SCFD2: variants seen among roughly 807,000 people sequenced by gnomAD.
The protein encoded by SCFD2 is sec1 family domain-containing protein 2.
In SCFD2, 54 loss-of-function variants were observed where a neutral mutation model predicts 58.9. The observed-to-expected ratio is 0.92, with a 90% CI of 0.74 to 1.15. The LOEUF (loss-of-function observed/expected upper bound fraction) is 1.15. SCFD2 is among the 50% of genes most tolerant of loss of function. The pLI is 0.00. For missense variants in SCFD2, 805 were observed against 836.6 expected, an observed-to-expected ratio of 0.96 and a Z score of 0.47; for synonymous variants, 321 against 335.9, an observed-to-expected ratio of 0.96 and a Z score of 0.49.
chr4:53,291,356 T>C (rs1006707271), intron 3 of SCFD2, among the ~76,000 whole-genome samples: 2 of 152,010 alleles, frequency 1.3e-5, no homozygotes, highest in African/African-American at 2.4e-5. Context: ...AGCCAAATCA[T>C]AAATTAACTC....
intron 3 of SCFD2, among the ~76,000 whole-genome samples, chr4:53,308,116 T>C (rs914712928): frequency 6.6e-6 from 1 of 152,254 alleles, no homozygotes; most frequent in African/African-American, 2.4e-5. Flanking sequence ...CTCAGCTTTG[T>C]GGTCTCAGTT....
At chr4:53,180,582 A>T (rs1266261545) in intron 4 of SCFD2, among the ~76,000 whole-genome samples, 1 of 152,198 alleles carries the variant, frequency 6.6e-6, no homozygotes, top group Non-Finnish European at 1.5e-5. Context: ...TAACATCACA[A>T]TTAAAAGAAC....
rs565464868 is a variant in SCFD2, at chr4:53,022,391, C to T, written c.1562-101521G>A. 2.6e-5 allele frequency among the ~76,000 whole-genome samples: 4 copies of T among 152,318 alleles called. No individual in the cohort carries two copies. The East Asian group carries it at 7.7e-4, about 29-fold the overall frequency. ...AGGTCATTGAAGGCTCACATTAAAT[C>T]AGGCAGCAGTCTAAAAATAACGTGT... is the stretch of plus-strand genomic sequence containing the variant. On this transcript the variant is annotated intron_variant, in intron 5 of 8. Coordinates refer to ENST00000401642, the MANE Select transcript of SCFD2 (RefSeq NM_152540.4).
chr4:53,148,821 G>A (rs1317374313), intron 4 of SCFD2, among the ~76,000 whole-genome samples: 1 of 152,098 alleles, frequency 6.6e-6, no homozygotes, highest in Non-Finnish European at 1.5e-5. Flanking sequence ...AAGAGCCTGG[G>A]CAACATAGCG....
chr4:53,158,473 C>A (rs1477638463), intron 4 of SCFD2, among the ~76,000 whole-genome samples: 2 of 152,124 alleles, frequency 1.3e-5, no homozygotes, highest in Non-Finnish European at 1.5e-5. Flanking sequence ...TTGTGTGGTA[C>A]CATCACTCTT....
intron 5 of SCFD2, among the ~76,000 whole-genome samples, chr4:53,091,867 A>G (rs765171171): frequency 3.3e-5 from 5 of 152,142 alleles, no homozygotes; most frequent in Non-Finnish European, 4.4e-5. Flanking sequence ...CCAATAATTT[A>G]TAGCTTTTCT....
At chr4:53,299,120 G>A (rs1308338621) in intron 3 of SCFD2, among the ~76,000 whole-genome samples, 3 of 152,208 alleles carry the variant, frequency 2.0e-5, no homozygotes, top group Admixed American at 1.3e-4. Context: ...GTTGAGAGAG[G>A]AAGGCTTCAG....
At chr4:53,236,451 GAT>G (rs146595901) in intron 4 of SCFD2, among the ~76,000 whole-genome samples, 186 of 144,256 alleles carry the variant, frequency 1.3e-3, no homozygotes, top group Non-Finnish European at 1.6e-3. Context: ...CATATATAAG[GAT>G]ATATATATAT....
chr4:52,983,231 G>A (rs1056452730), intron 5 of SCFD2, among the ~76,000 whole-genome samples: 33 of 152,230 alleles, frequency 2.2e-4, no homozygotes, highest in Admixed American at 4.6e-4. Flanking sequence ...ACCAAATTCA[G>A]CGTTCAATGT....
intron 3 of SCFD2, among the ~76,000 whole-genome samples, chr4:53,299,550 C>A (rs1732190742): frequency 6.6e-6 from 1 of 151,994 alleles, no homozygotes; most frequent in Admixed American, 6.6e-5. Context: ...AGAACTTCCC[C>A]AATCTAGCAA....
At chr4:53,360,468 G>A (rs1734518981) in intron 1 of SCFD2, among the ~76,000 whole-genome samples, 1 of 152,194 alleles carries the variant, frequency 6.6e-6, no homozygotes, top group Admixed American at 6.5e-5. Context: ...GCTCAAAGCT[G>A]ATTGGTTTCA....
At chr4:53,027,754 G>A (rs1722514014) in intron 5 of SCFD2, among the ~76,000 whole-genome samples, 1 of 152,264 alleles carries the variant, frequency 6.6e-6, no homozygotes, top group Non-Finnish European at 1.5e-5. Flanking sequence ...CTTGAGCCCA[G>A]GAGGCTGAGG....
chr4:52,973,931 C>T (rs1721179806), intron 5 of SCFD2, among the ~76,000 whole-genome samples: 1 of 152,184 alleles, frequency 6.6e-6, no homozygotes, highest in African/African-American at 2.4e-5. Flanking sequence ...ATGGTTATCT[C>T]AATAGATGCA....
At chr4:53,343,804 C>A (rs1733966930) in intron 2 of SCFD2, among the ~76,000 whole-genome samples, 2 of 152,124 alleles carry the variant, frequency 1.3e-5, no homozygotes. Context: ...TCAACATATG[C>A]AAATCAATAA....
At chr4:53,172,602 T>G (rs974513055) in intron 4 of SCFD2, among the ~76,000 whole-genome samples, 1 of 152,200 alleles carries the variant, frequency 6.6e-6, no homozygotes, top group African/African-American at 2.4e-5. Flanking sequence ...TTTGACCCAT[T>G]GGTTGGTCAG....
chr4:53,292,728 T>G (rs1218031751), intron 3 of SCFD2, among the ~76,000 whole-genome samples: 1 of 152,134 alleles, frequency 6.6e-6, no homozygotes, highest in Non-Finnish European at 1.5e-5. Context: ...TATAAATCAT[T>G]CTATTATAAA....
chr4:53,235,563 G>T (rs938207347), intron 4 of SCFD2, among the ~76,000 whole-genome samples: 6 of 152,108 alleles, frequency 3.9e-5, no homozygotes. Context: ...GTCAATAAAC[G>T]AGAAGTAAAT....
chr4:53,056,276 C>A (rs1378171130), intron 5 of SCFD2, among the ~76,000 whole-genome samples: 1 of 152,056 alleles, frequency 6.6e-6, no homozygotes, highest in Non-Finnish European at 1.5e-5. Flanking sequence ...GCCAGTGGAC[C>A]TAGACTAAAT....
At chr4:52,881,346 T>A (rs575273436) in intron 8 of SCFD2, among the ~76,000 whole-genome samples, 1 of 152,362 alleles carries the variant, frequency 6.6e-6, no homozygotes, top group East Asian at 1.9e-4. Flanking sequence ...GAGTCTGTGC[T>A]ATCTAAAGGA....
Sources: gnomAD v4.1 joint callset for allele counts (sites outside exome capture counted in the v4.1 genomes callset) on GRCh38, gnomAD v4.1.1 for gene constraint, MANE v1.5 for transcripts, NCBI Gene and HGNC (gene_info 2026-07-23, HGNC 2026-07-21) for gene names.